Variants in CSMD1 observed in about 807,000 individuals in gnomAD.
CSMD1 encodes the protein CUB and sushi domain-containing protein 1.
CSMD1 carries 213 observed loss-of-function variants against 417.5 expected under a neutral mutation model. The ratio of observed to expected loss-of-function variants is 0.51; its 90% CI spans 0.46 to 0.57. CSMD1 has a LOEUF of 0.57. Ranked by LOEUF, CSMD1 falls within the 20% of genes least tolerant of loss-of-function variation. The pLI, the probability that CSMD1 is intolerant of heterozygous loss-of-function variation, is 0.00. For missense variants in CSMD1, 6,923 were observed against 4,529.7 expected (o/e 1.53, Z -15.17); for synonymous variants, 2,862 against 1,736.8 (o/e 1.65, Z -16.11).
chr8:4,816,319 G>C (rs764634199), intron 1 of CSMD1, among the ~76,000 whole-genome samples: 4 of 151,990 alleles, frequency 2.6e-5, no homozygotes, highest in Non-Finnish European at 5.9e-5. Flanking sequence ...CAAGTAGCTG[G>C]GATTACAGGC....
intron 1 of CSMD1, among the ~76,000 whole-genome samples, chr8:4,949,416 GA>G (rs1808586950): frequency 6.6e-6 from 1 of 152,098 alleles, no homozygotes; most frequent in African/African-American, 2.4e-5. Context: ...AACTTTCCTG[GA>G]AAATTATTTG....
At position 3,488,739 on chromosome 8, in the gene CSMD1, T is replaced by A. The variant is rs559203462; in HGVS notation, c.1448+4884A>T. ...CCGGGAAAGAAAAGCTAACAATGGA[T>A]AGACTTCAAGTCAAGAACAGGGTTC... On this transcript the variant is annotated intron_variant, in intron 11 of 69. Coordinates refer to ENST00000635120, the MANE Select transcript of CSMD1 (RefSeq NM_033225.6). Among the ~76,000 whole-genome samples, 156 of 152,270 alleles carry A rather than the reference T, an allele frequency of 1.0e-3. 1 individual carries two copies. Among genetic ancestry groups the A allele is most frequent in the African/African-American group, 3.4e-3 (142 of 41,558 alleles).
chr8:3,207,485 A>T (rs1371296410), intron 30 of CSMD1, among the ~76,000 whole-genome samples: 1 of 152,110 alleles, frequency 6.6e-6, no homozygotes, highest in East Asian at 1.9e-4. Context: ...GAAGTTAGAG[A>T]TAACATGTTT....
At chr8:3,411,515 C>A (rs942544410) in intron 12 of CSMD1, among the ~76,000 whole-genome samples, 10 of 151,708 alleles carry the variant, frequency 6.6e-5, no homozygotes, top group African/African-American at 2.4e-4. Flanking sequence ...CATAGCTTAG[C>A]TCCCACTTAT....
chr8:3,102,589 G>A (rs997947947), intron 46 of CSMD1, among the ~76,000 whole-genome samples: 2 of 152,166 alleles, frequency 1.3e-5, no homozygotes, highest in East Asian at 3.9e-4. Context: ...TGGGAGAAAT[G>A]CATCTTTAGG....
chr8:3,938,563 G>C (rs1385906173), intron 5 of CSMD1, among the ~76,000 whole-genome samples: 3 of 152,142 alleles, frequency 2.0e-5, no homozygotes, highest in Admixed American at 6.6e-5. Flanking sequence ...TGCTACCAAT[G>C]CATCTCTTTT....
chr8:3,838,037 T>G (rs1585069874), intron 5 of CSMD1, among the ~76,000 whole-genome samples: 1 of 152,118 alleles, frequency 6.6e-6, no homozygotes, highest in South Asian at 2.1e-4. Flanking sequence ...TAAATATGTA[T>G]GTATTGATTA....
chr8:4,355,338 C>CAT lies in CSMD1; in HGVS notation c.415+64614_415+64615insAT, dbSNP rs772082040. Among the ~76,000 whole-genome samples, 8 of 151,016 alleles carry CAT rather than the reference C, an allele frequency of 5.3e-5. 1 individual carries two copies. Among genetic ancestry groups the CAT allele is most frequent in the Middle Eastern group, 3.2e-3 (1 of 316 alleles). On this transcript the variant is annotated intron_variant, in intron 3 of 69. Coordinates refer to ENST00000635120, the MANE Select transcript of CSMD1 (RefSeq NM_033225.6). ...ACACACACACACGCACACACACACA[C>CAT]GTATATATGATATATATACACACAC...
intron 1 of CSMD1, among the ~76,000 whole-genome samples, chr8:4,653,668 G>C (rs1804048529): frequency 6.6e-6 from 1 of 152,090 alleles, no homozygotes. Flanking sequence ...ATCCCCAGGA[G>C]TTAAGTTGCC....
At chr8:4,795,946 C>T (rs1302386470) in intron 1 of CSMD1, among the ~76,000 whole-genome samples, 2 of 152,182 alleles carry the variant, frequency 1.3e-5, no homozygotes, top group African/African-American at 2.4e-5. Context: ...TAAGCCATCA[C>T]TACTTGATAT....
intron 19 of CSMD1, among the ~76,000 whole-genome samples, chr8:3,367,787 T>C (rs1809694055): frequency 6.6e-6 from 1 of 152,196 alleles, no homozygotes; most frequent in African/African-American, 2.4e-5. Flanking sequence ...TAGATGTACA[T>C]ATTGGCATAG....
chr8:3,901,481 C>G (rs1322062677), intron 5 of CSMD1, among the ~76,000 whole-genome samples: 2 of 152,202 alleles, frequency 1.3e-5, no homozygotes, highest in African/African-American at 4.8e-5. Context: ...ATAGATCTCA[C>G]ACATGCATTG....
chr8:4,493,409 C>T (rs964044027), intron 2 of CSMD1, among the ~76,000 whole-genome samples: 2 of 152,110 alleles, frequency 1.3e-5, no homozygotes, highest in South Asian at 2.1e-4. Flanking sequence ...TCTAAAGCTA[C>T]TGATGGTCGG....
intron 6 of CSMD1, among the ~76,000 whole-genome samples, chr8:3,736,401 G>A (rs745495093): frequency 2.0e-5 from 3 of 151,318 alleles, no homozygotes; most frequent in Non-Finnish European, 4.4e-5. Context: ...TCACCACCAT[G>A]CATGGCTAAT....
At chr8:3,572,502 T>G (rs1799986935) in intron 10 of CSMD1, among the ~76,000 whole-genome samples, 1 of 152,140 alleles carries the variant, frequency 6.6e-6, no homozygotes, top group African/African-American at 2.4e-5. Flanking sequence ...TTCACACACT[T>G]TTAAAATTTG....
chr8:4,572,108 C>G (rs1798921847), intron 2 of CSMD1, among the ~76,000 whole-genome samples: 1 of 152,056 alleles, frequency 6.6e-6, no homozygotes, highest in African/African-American at 2.4e-5. Context: ...GGCATTTAGC[C>G]CATTTAAATT....
chr8:4,456,984 T>TAAA (rs1442562495), intron 2 of CSMD1, among the ~76,000 whole-genome samples: 2 of 78,592 alleles, frequency 2.5e-5, no homozygotes, highest in African/African-American at 9.2e-5. Context: ...TGGTTTTTTT[T>TAAA]TAAAAAAAAA....
intron 2 of CSMD1, among the ~76,000 whole-genome samples, chr8:4,542,649 AC>A (rs1349008221): frequency 1.3e-5 from 2 of 152,234 alleles, no homozygotes; most frequent in Non-Finnish European, 2.9e-5. Context: ...ATGGAGATTA[AC>A]AGACTATATC....
chr8:3,439,309 A>ATATATATATATAATTTT, intron 12 of CSMD1, among the ~76,000 whole-genome samples: 1 of 62,482 alleles, frequency 1.6e-5, no homozygotes, highest in Admixed American at 2.2e-4. Context: ...ATATATATAT[A>ATATATATATATAATTTT]TTTTTTTTTT....
Sources: gnomAD v4.1 joint callset for allele counts (sites outside exome capture counted in the v4.1 genomes callset) on GRCh38, gnomAD v4.1.1 for gene constraint, MANE v1.5 for transcripts, NCBI Gene and HGNC (gene_info 2026-07-23, HGNC 2026-07-21) for gene names.